The following METAP1 variants were observed in gnomAD, a reference collection of about 807,000 sequenced individuals.
METAP1 encodes the protein methionine aminopeptidase 1.
METAP1 carries 28 observed loss-of-function variants against 53.8 expected under a neutral mutation model. That is an observed-to-expected ratio of 0.52 (90% CI 0.39 to 0.71). The LOEUF is 0.71. METAP1 is among the 30% of genes least tolerant of loss of function. The pLI, the probability that METAP1 is intolerant of heterozygous loss-of-function variation, is 0.00. For missense variants in METAP1, 389 were observed against 479.8 expected, an observed-to-expected ratio of 0.81 and a Z score of 1.77; for synonymous variants, 181 against 165.7, an observed-to-expected ratio of 1.09 and a Z score of -0.71.
chr4:99,004,376 A>G (rs1353070093), intron 1 of METAP1, among the ~76,000 whole-genome samples: 6 of 151,950 alleles, frequency 3.9e-5, no homozygotes, highest in Admixed American at 2.6e-4. Flanking sequence ...CCTGAGGCCT[A>G]AAGCACCCAA....
intron 2 of METAP1, among the ~76,000 whole-genome samples, chr4:99,029,946 A>G (rs1724878464): frequency 6.6e-6 from 1 of 152,202 alleles, no homozygotes; most frequent in African/African-American, 2.4e-5. Context: ...AGAGATGAGG[A>G]AAAATGATGT....
chr4:99,009,114 G>T (rs183401427), intron 1 of METAP1, among the ~76,000 whole-genome samples: 2 of 152,260 alleles, frequency 1.3e-5, no homozygotes, highest in Admixed American at 1.3e-4. Context: ...TTTCATATAA[G>T]TCAGATTACA....
In METAP1 at chr4:99,026,490, TA is replaced by T. The variant is rs1288687053; in HGVS notation, c.115-2376del. ...AGGACGTAGTTATAACGGTGAGTGT[TA>T]GGATTAGGTAGGTCAGGTTATACAA... On this transcript the variant is annotated intron_variant, in intron 1 of 10. Coordinates refer to ENST00000296411, the MANE Select transcript of METAP1 (RefSeq NM_015143.3). The T allele has an allele frequency of 1.4e-5, 14 of 985,354 alleles. No homozygotes were observed. In the South Asian group the frequency reaches 5.2e-4, roughly 36 times the overall value. The allele number at this position is 985,354 out of a possible 1,614,324, so 61.0% of individuals were successfully genotyped here. A position where few individuals can be genotyped will look rare whatever the true frequency, so the allele number is the denominator to read the frequency against.
intron 1 of METAP1, among the ~76,000 whole-genome samples, chr4:99,015,383 C>T (rs773536898): frequency 2.0e-5 from 3 of 152,152 alleles, no homozygotes; most frequent in East Asian, 1.9e-4. Flanking sequence ...ACCTCCCTAT[C>T]GGATCCTTCC....
At chr4:99,022,363 G>A (rs1579268626) in intron 1 of METAP1, 1 of 889,370 alleles carries the variant, frequency 1.1e-6, no homozygotes, top group East Asian at 2.9e-5. Flanking sequence ...GGGTGGCGGG[G>A]CTCCAAAGAT....
At chr4:99,042,057 T>G (rs968918906) in intron 6 of METAP1, among the ~76,000 whole-genome samples, 1 of 151,920 alleles carries the variant, frequency 6.6e-6, no homozygotes. Flanking sequence ...GGTACTATTG[T>G]AATCTCCGTT....
At chr4:99,058,798 C>G (rs573532889) in intron 10 of METAP1, among the ~76,000 whole-genome samples, 39 of 152,344 alleles carry the variant, frequency 2.6e-4, no homozygotes, top group African/African-American at 9.1e-4. Context: ...ACTGAAGTCA[C>G]TTTAGAGGCT....
intron 5 of METAP1, 58 bp downstream of exon 5, chr4:99,039,523 A>G: frequency 1.0e-6 from 1 of 1,000,384 alleles, no homozygotes; most frequent in Non-Finnish European, 1.6e-6. Flanking sequence ...TTAGACATGA[A>G]GTCAGTGGTT....
intron 9 of METAP1, among the ~76,000 whole-genome samples, chr4:99,055,505 A>G (rs1727046570): frequency 1.3e-5 from 2 of 152,222 alleles, no homozygotes; most frequent in South Asian, 2.1e-4. Context: ...GTGAGAGACT[A>G]TAGATCAGGT....
Position 98,995,741 on chromosome 4 carries a change from G to A in METAP1, c.-13G>A, listed in dbSNP as rs931965452. 6.5e-7 allele frequency: 1 copy of A among 1,544,544 alleles called. No homozygotes were observed. Among genetic ancestry groups the A allele is most frequent in the Non-Finnish European group, 8.7e-7 (1 of 1,143,404 alleles). On this transcript the variant is annotated 5_prime_UTR_variant, in exon 1 of 11. Transcript: ENST00000296411. The stretch of plus-strand genomic sequence containing the variant: ...TCTTCCTCGGTGAGGCGCTCTTCCA[G>A]CGGGCAGGCAGCATGGCGGCCGTGG...
chr4:99,055,575 G>C (rs1474374246), intron 9 of METAP1, among the ~76,000 whole-genome samples: 1 of 152,180 alleles, frequency 6.6e-6, no homozygotes, highest in Non-Finnish European at 1.5e-5. Flanking sequence ...CAGATAATGT[G>C]TATTTGTTGA....
chr4:99,027,956 G>C (rs1356601800), intron 1 of METAP1, among the ~76,000 whole-genome samples: 1 of 152,030 alleles, frequency 6.6e-6, no homozygotes. Flanking sequence ...GTAGTCCTAG[G>C]GATTTTTTTT....
rs142906343 is a variant in METAP1 at position 99,021,941 on chromosome 4, C to T, written c.115-6926C>T. On this transcript the variant is annotated intron_variant, in intron 1 of 10. Transcript: ENST00000296411. ...GAATATACACATCCTAACATTTAAC[C>T]GGGGAATGATAAATCCTTTATGGAT... 4.4e-3 allele frequency among the ~76,000 whole-genome samples: 663 copies of T among 152,192 alleles called. 23 individuals are homozygous for T. The highest frequency in any genetic ancestry group is 0.036 in the Admixed American group (554 of 15,290).
chr4:99,043,372 G>A lies in METAP1; in HGVS notation c.640G>A (p.Gly214Ser). ...GIPDRRPLQE[G>S]DIVNVDITLY... Reference sequence around the variant, plus strand: ...ACCAGACAGAAGGCCCTTACAAGAAGGTGACATTGTTAATGGTAAGAAAAA... The same window carrying A: ...ACCAGACAGAAGGCCCTTACAAGAAAGTGACATTGTTAATGGTAAGAAAAA... Residue 214 changes from glycine (G) to serine (S), a missense_variant, in exon 7 of 11, where the codon GGT becomes AGT. Transcript: ENST00000296411. The A allele has an allele frequency of 6.3e-7, 1 of 1,598,860 alleles. No individual in the cohort carries two copies. Among genetic ancestry groups the A allele is most frequent in the Admixed American group, 1.7e-5 (1 of 58,064 alleles).
chr4:99,039,580 C>G, intron 5 of METAP1, 115 bp downstream of exon 5: 1 of 563,776 alleles, frequency 1.8e-6, no homozygotes, highest in Non-Finnish European at 3.0e-6. Context: ...GACTGACCAG[C>G]CATGCTTTTT....
intron 2 of METAP1, among the ~76,000 whole-genome samples, chr4:99,032,422 G>T (rs190015074): frequency 6.6e-6 from 1 of 152,002 alleles, no homozygotes; most frequent in East Asian, 1.9e-4. Context: ...TTGTGGAGAC[G>T]GGTTTTTCCA....
chr4:99,057,546 G>A (rs57098596), intron 9 of METAP1, among the ~76,000 whole-genome samples: 34,851 of 149,420 alleles, frequency 0.23, 5,718 homozygotes, highest in East Asian at 0.8. Context: ...ACACATAAGC[G>A]TAATTGAAAT....
chr4:99,022,278 A>G, intron 1 of METAP1: 1 of 601,030 alleles, frequency 1.7e-6, no homozygotes, highest in Non-Finnish European at 2.5e-6. Flanking sequence ...GAAACAGAGC[A>G]GGGCCAGGAG....
rs941274329 is a variant in METAP1, at chr4:99,061,544, A to C, written c.*227A>C. The C allele has an allele frequency of 2.7e-6, 1 of 371,030 alleles. No homozygotes were observed. The allele number at this position is 371,030 out of a possible 1,614,324, so 23.0% of individuals were successfully genotyped here. Reference sequence around the variant, plus strand: ...ACTCTTCAGCCCCCTCCCCCTGCACACCTGTTTTCTCATTTGCCCTTTGAG... The same window carrying C: ...ACTCTTCAGCCCCCTCCCCCTGCACCCCTGTTTTCTCATTTGCCCTTTGAG... On this transcript the variant is annotated 3_prime_UTR_variant, in exon 11 of 11. Transcript: ENST00000296411.
Sources: allele counts gnomAD v4.1 joint callset (sites outside exome capture counted in the v4.1 genomes callset), GRCh38; gene constraint gnomAD v4.1.1; transcripts MANE v1.5; gene names NCBI Gene and HGNC (gene_info 2026-07-23, HGNC 2026-07-21).